BCAS1: variants seen among roughly 807,000 people sequenced by gnomAD.
The protein encoded by BCAS1 is breast carcinoma-amplified sequence 1.
BCAS1 carries 46 observed loss-of-function variants against 65.4 expected under a neutral mutation model. That is an observed-to-expected ratio of 0.70 (90% CI 0.55 to 0.90). The LOEUF (loss-of-function observed/expected upper bound fraction) is 0.90. Ranked by LOEUF, BCAS1 falls within the 40% of genes least tolerant of loss-of-function variation. BCAS1 has a pLI of 0.00. For missense variants in BCAS1, 793 were observed against 771.2 expected, an observed-to-expected ratio of 1.03 and a Z score of -0.33; for synonymous variants, 298 against 293.5, an observed-to-expected ratio of 1.02 and a Z score of -0.16.
At chr20:53,994,777 C>T (rs917932929) in intron 6 of BCAS1, among the ~76,000 whole-genome samples, 13 of 151,920 alleles carry the variant, frequency 8.6e-5, no homozygotes, top group South Asian at 2.1e-4. Context: ...AGAGTTGGCA[C>T]GTCTTTCAAG....
intron 3 of BCAS1, among the ~76,000 whole-genome samples, chr20:54,034,033 A>G (rs989710049): frequency 6.6e-6 from 1 of 151,446 alleles, no homozygotes; most frequent in African/African-American, 2.4e-5. Context: ...GACAAAAACT[A>G]CATGATTATC....
At chr20:54,045,657 A>G (rs2092090388) in intron 3 of BCAS1, among the ~76,000 whole-genome samples, 1 of 152,240 alleles carries the variant, frequency 6.6e-6, no homozygotes, top group Non-Finnish European at 1.5e-5. Context: ...CCAATCAGAA[A>G]CAGTCAACAA....
chr20:53,999,400 G>A (rs946678845), intron 4 of BCAS1, among the ~76,000 whole-genome samples: 1 of 152,212 alleles, frequency 6.6e-6, no homozygotes, highest in African/African-American at 2.4e-5. Flanking sequence ...GAGGCCCAAA[G>A]AGGTTTAAAC....
rs148585275 is a variant in BCAS1, at chr20:53,968,585, T to C, written c.1318-1512A>G. Reference sequence around the variant, plus strand: ...ATCAGCATGCAGAACACCCCAACATTTGGCAACTAAATCACATTTCTTAAG... The same window carrying C: ...ATCAGCATGCAGAACACCCCAACATCTGGCAACTAAATCACATTTCTTAAG... On this transcript the variant is annotated intron_variant, in intron 9 of 12. Transcript: ENST00000688948. 2.6e-5 allele frequency among the ~76,000 whole-genome samples: 4 copies of C among 152,312 alleles called. No homozygotes were observed. In the East Asian group the frequency reaches 5.8e-4, roughly 22 times the overall value.
At chr20:54,046,661 A>C (rs548204179) in intron 3 of BCAS1, among the ~76,000 whole-genome samples, 14 of 151,826 alleles carry the variant, frequency 9.2e-5, no homozygotes, top group Non-Finnish European at 1.9e-4. Flanking sequence ...CCTGGCCAAC[A>C]TGGTGAAAAC....
chr20:54,046,415 G>A (rs2092106389), intron 3 of BCAS1, among the ~76,000 whole-genome samples: 1 of 151,342 alleles, frequency 6.6e-6, no homozygotes, highest in Admixed American at 6.6e-5. Context: ...TGTAATCCCA[G>A]CTACTTGGGA....
intron 3 of BCAS1, among the ~76,000 whole-genome samples, chr20:54,035,400 C>CAAAAA (rs1288429763): frequency 9.7e-5 from 6 of 62,018 alleles, no homozygotes; most frequent in Admixed American, 1.6e-4. Context: ...GACTCCGTCT[C>CAAAAA]AAAAAAAAAA....
intron 10 of BCAS1, among the ~76,000 whole-genome samples, chr20:53,966,515 A>C (rs1244027422): frequency 6.6e-6 from 1 of 152,190 alleles, no homozygotes; most frequent in African/African-American, 2.4e-5. Flanking sequence ...AAAAGACTGC[A>C]TACTGGCTGT....
chr20:54,054,490 C>A (rs78721781), intron 3 of BCAS1, among the ~76,000 whole-genome samples: 2,291 of 152,212 alleles, frequency 0.015, 52 homozygotes, highest in African/African-American at 0.052. Context: ...CACTTTTATA[C>A]CCCTTAAAAC....
rs1279458518 is a variant in BCAS1 at position 53,995,154 on chromosome 20, A to G, written c.883-98T>C. On this transcript the variant is annotated intron_variant, in intron 5 of 12. Transcript: ENST00000688948. The stretch of plus-strand genomic sequence containing the variant: ...ACTCTTTAGGGTGGTCCAGTTCACC[A>G]TACAGGTCAAGAATAAAATGAGAAG... 9.9e-5 allele frequency: 98 copies of G among 986,006 alleles called. No homozygotes were observed. In the East Asian group the frequency reaches 2.0e-3, roughly 20 times the overall value. The allele number at this position is 986,006 out of a possible 1,614,324, so 61.1% of individuals were successfully genotyped here.
chr20:54,062,922 C>T (rs991685171), intron 1 of BCAS1, among the ~76,000 whole-genome samples: 6 of 152,190 alleles, frequency 3.9e-5, no homozygotes, highest in African/African-American at 1.4e-4. Flanking sequence ...GGGACAAAAG[C>T]AAAAGGTTAC....
chr20:53,961,324 C>T (rs1938649035), intron 10 of BCAS1, among the ~76,000 whole-genome samples: 1 of 152,192 alleles, frequency 6.6e-6, no homozygotes, highest in South Asian at 2.1e-4. Flanking sequence ...TATATGGTGA[C>T]TATATCTGCA....
At chr20:54,010,232 A>G (rs948321223) in intron 4 of BCAS1, among the ~76,000 whole-genome samples, 8 of 152,212 alleles carry the variant, frequency 5.3e-5, no homozygotes, top group African/African-American at 1.9e-4. Context: ...TCTAGGAAGT[A>G]TATTAAGGCA....
At chr20:53,981,536 G>C (rs961629929) in intron 8 of BCAS1, among the ~76,000 whole-genome samples, 1 of 148,048 alleles carries the variant, frequency 6.8e-6, no homozygotes, top group Non-Finnish European at 1.5e-5. Flanking sequence ...GTCATTTGGC[G>C]TTCTTTTTTT....
chr20:54,000,785 A>AT (rs1408530923), intron 4 of BCAS1, among the ~76,000 whole-genome samples: 2 of 151,864 alleles, frequency 1.3e-5, no homozygotes, highest in African/African-American at 4.8e-5. Context: ...CATCCAGTGT[A>AT]TTTTTTACCT....
chr20:54,060,321 AT>A (rs955942447), intron 1 of BCAS1, among the ~76,000 whole-genome samples: 22 of 151,600 alleles, frequency 1.5e-4, no homozygotes, highest in Admixed American at 1.2e-3. Flanking sequence ...AATAAAAGTA[AT>A]TTTTTTTTGA....
chr20:53,978,775 C>G (rs1376616471), intron 8 of BCAS1, among the ~76,000 whole-genome samples: 1 of 152,176 alleles, frequency 6.6e-6, no homozygotes, highest in Non-Finnish European at 1.5e-5. Context: ...TTCTGATCCC[C>G]CTTTAGTGTT....
At chr20:53,979,808 C>T (rs1022307774) in intron 8 of BCAS1, among the ~76,000 whole-genome samples, 3 of 152,196 alleles carry the variant, frequency 2.0e-5, no homozygotes, top group Non-Finnish European at 4.4e-5. Flanking sequence ...TTATGTAAAG[C>T]ACTTAGCACA....
At chr20:53,947,524 C>T (rs188110162) in intron 12 of BCAS1, among the ~76,000 whole-genome samples, 1 of 152,262 alleles carries the variant, frequency 6.6e-6, no homozygotes, top group East Asian at 1.9e-4. Context: ...CGCTGAGAGC[C>T]TGCTGCCTCA....
Sources: allele counts gnomAD v4.1 joint callset (sites outside exome capture counted in the v4.1 genomes callset), GRCh38; gene constraint gnomAD v4.1.1; transcripts MANE v1.5; gene names NCBI Gene and HGNC (gene_info 2026-07-23, HGNC 2026-07-21).